PRKN: variants seen among roughly 807,000 people sequenced by gnomAD.
PRKN encodes the protein E3 ubiquitin-protein ligase parkin.
Under a neutral mutation model 59.5 loss-of-function variants are expected in PRKN, and 56 were observed. The ratio of observed to expected loss-of-function variants is 0.94; its 90% CI spans 0.76 to 1.18. The LOEUF (loss-of-function observed/expected upper bound fraction) is 1.18, where lower values mean the gene tolerates loss of function less well. Among genes scored for constraint, PRKN ranks in the 50% most tolerant of loss-of-function variants. The pLI, the probability that PRKN is intolerant of heterozygous loss-of-function variation, is 0.00. For synonymous variants in PRKN, 250 were observed against 222.1 expected (o/e 1.13, Z -1.12); for missense variants, 657 against 596.4 (o/e 1.10, Z -1.06).
intron 1 of PRKN, among the ~76,000 whole-genome samples, chr6:162,654,654 G>A (rs1257322534): frequency 6.6e-6 from 1 of 152,126 alleles, no homozygotes; most frequent in Non-Finnish European, 1.5e-5. Flanking sequence ...AATGTTTACT[G>A]TATTAGTCCA....
intron 7 of PRKN, among the ~76,000 whole-genome samples, chr6:161,733,783 A>AATATAT (rs1554298473): frequency 1.2e-5 from 1 of 86,228 alleles, no homozygotes; most frequent in African/African-American, 8.8e-5. Context: ...AAAAAAAAAA[A>AATATAT]ATATATATAT....
intron 1 of PRKN, among the ~76,000 whole-genome samples, chr6:162,528,618 C>G (rs1362380866): frequency 1.3e-5 from 2 of 151,936 alleles, no homozygotes; most frequent in African/African-American, 4.8e-5. Flanking sequence ...TAAGACATTA[C>G]TAATTAAATG....
At chr6:162,484,057 T>C (rs1052917680) in intron 1 of PRKN, among the ~76,000 whole-genome samples, 15 of 152,192 alleles carry the variant, frequency 9.9e-5, no homozygotes, top group South Asian at 2.1e-4. Flanking sequence ...ATATATATGG[T>C]TGTCTATGCA....
At chr6:161,615,009 A>C (rs74716441) in intron 7 of PRKN, among the ~76,000 whole-genome samples, 2,024 of 151,456 alleles carry the variant, frequency 0.013, 25 homozygotes, top group Non-Finnish European at 0.021. Flanking sequence ...GAACACTGAA[A>C]CTGTATATTT....
At chr6:161,901,875 G>A (rs1777928388) in intron 6 of PRKN, among the ~76,000 whole-genome samples, 4 of 152,174 alleles carry the variant, frequency 2.6e-5, no homozygotes, top group Admixed American at 2.6e-4. Context: ...TGCTGCTGCA[G>A]CTGCGAGTGC....
chr6:161,948,593 G>A (rs1156927133), intron 6 of PRKN, among the ~76,000 whole-genome samples: 1 of 152,202 alleles, frequency 6.6e-6, no homozygotes, highest in African/African-American at 2.4e-5. Flanking sequence ...ACAAGGAACT[G>A]TTCTCTGTGG....
In PRKN at chr6:162,245,443, C is replaced by T. The variant is rs536139080; in HGVS notation, c.412+17082G>A. Among the ~76,000 whole-genome samples the T allele has an allele frequency of 1.3e-3, 193 of 152,030 alleles. 1 individual carries two copies. Among genetic ancestry groups the T allele is most frequent in the African/African-American group, 4.3e-3 (177 of 41,514 alleles). ...AATTTATACAGCTTGCTGCTTCTCACATTAAGTAATAGGTTGAAGAAAATT... is the reference window on the plus strand; with the variant it reads ...AATTTATACAGCTTGCTGCTTCTCATATTAAGTAATAGGTTGAAGAAAATT... On this transcript the variant is annotated intron_variant, in intron 3 of 11. Coordinates refer to ENST00000366898, the MANE Select transcript of PRKN (RefSeq NM_004562.3).
At chr6:162,481,064 C>G (rs1411122002) in intron 1 of PRKN, among the ~76,000 whole-genome samples, 1 of 152,148 alleles carries the variant, frequency 6.6e-6, no homozygotes, top group Non-Finnish European at 1.5e-5. Flanking sequence ...CTCAAGTGAT[C>G]TGCCTACCTC....
At chr6:161,403,856 CT>C (rs886500061) in intron 9 of PRKN, among the ~76,000 whole-genome samples, 1 of 152,118 alleles carries the variant, frequency 6.6e-6, no homozygotes, top group Non-Finnish European at 1.5e-5. Flanking sequence ...TGTTAAAAAC[CT>C]TTCTCTCTCT....
At chr6:161,350,863 T>A (rs1326944013) in intron 11 of PRKN, among the ~76,000 whole-genome samples, 29 of 93,544 alleles carry the variant, frequency 3.1e-4, no homozygotes, top group Middle Eastern at 0.012. Context: ...ATATTTAAAA[T>A]ATATATATTT....
intron 10 of PRKN, among the ~76,000 whole-genome samples, chr6:161,365,275 G>A (rs929742224): frequency 5.3e-5 from 8 of 152,300 alleles, no homozygotes; most frequent in African/African-American, 1.9e-4. Flanking sequence ...GATTATCATT[G>A]AGGGCAGGTC....
chr6:162,123,733 A>C (rs1221600390), intron 4 of PRKN, among the ~76,000 whole-genome samples: 1 of 152,150 alleles, frequency 6.6e-6, no homozygotes, highest in Non-Finnish European at 1.5e-5. Context: ...AGGAAGTTTG[A>C]GTATGTGCAA....
chr6:162,362,921 G>A (rs1399065498), intron 2 of PRKN, among the ~76,000 whole-genome samples: 1 of 151,842 alleles, frequency 6.6e-6, no homozygotes, highest in Admixed American at 6.6e-5. Flanking sequence ...GAGGTCAGGA[G>A]ATCGAGACCA....
At chr6:162,068,418 G>A (rs1189132294) in intron 4 of PRKN, among the ~76,000 whole-genome samples, 1 of 152,180 alleles carries the variant, frequency 6.6e-6, no homozygotes, top group African/African-American at 2.4e-5. Flanking sequence ...GGGCAGGCCT[G>A]GTGTGACTTC....
chr6:162,630,924 A>G (rs1179055988), intron 1 of PRKN, among the ~76,000 whole-genome samples: 1 of 152,160 alleles, frequency 6.6e-6, no homozygotes, highest in Non-Finnish European at 1.5e-5. Context: ...AAAAAGTAAA[A>G]AATTTTATAG....
At chr6:162,522,353 A>G (rs975985529) in intron 1 of PRKN, among the ~76,000 whole-genome samples, 1 of 152,132 alleles carries the variant, frequency 6.6e-6, no homozygotes, top group African/African-American at 2.4e-5. Context: ...CGAACTTGTG[A>G]GCTTCAGTGA....
chr6:161,716,233 T>C (rs1001200458), intron 7 of PRKN: 8 of 546,700 alleles, frequency 1.5e-5, no homozygotes, highest in Middle Eastern at 3.5e-4. Flanking sequence ...TAATATTCTA[T>C]TGCCAGATGT....
rs188544676 is a variant in PRKN at position 162,580,136 on chromosome 6, G to C, written c.8-136663C>G. Among the ~76,000 whole-genome samples, 5 of 152,286 alleles carry C rather than the reference G, an allele frequency of 3.3e-5. No homozygotes were observed. The East Asian group carries it at 9.7e-4, about 29-fold the overall frequency. ...TGACAAGGAACCATGGTATCAGATGGTGCTTTGAAAGTAACATTGGCTGCA... is the reference window on the plus strand; with the variant it reads ...TGACAAGGAACCATGGTATCAGATGCTGCTTTGAAAGTAACATTGGCTGCA... On this transcript the variant is annotated intron_variant, in intron 1 of 11. Coordinates refer to ENST00000366898, the MANE Select transcript of PRKN (RefSeq NM_004562.3).
Position 161,410,223 on chromosome 6 carries a change from G to A in PRKN, c.1084-23346C>T, listed in dbSNP as rs1018563558. 1.3e-5 allele frequency among the ~76,000 whole-genome samples: 2 copies of A among 152,190 alleles called. No individual in the cohort carries two copies. The highest frequency in any genetic ancestry group is 4.8e-5 in the African/African-American group (2 of 41,442). On this transcript the variant is annotated intron_variant, in intron 9 of 11. Transcript: ENST00000366898. This position sits in a 1 kb window ranked among gnomAD's most constrained non-coding sequence, Gnocchi z 5.3. ...GGAATCTGAAGGAGAGTGAACATGAGTGAGAGTACGAGCATGTCTCAGCTG... is the reference window on the plus strand; with the variant it reads ...GGAATCTGAAGGAGAGTGAACATGAATGAGAGTACGAGCATGTCTCAGCTG...
Sources: allele counts gnomAD v4.1 joint callset (sites outside exome capture counted in the v4.1 genomes callset), GRCh38; gene constraint gnomAD v4.1.1; non-coding constraint Gnocchi (gnomAD v3.1); transcripts MANE v1.5; gene names NCBI Gene and HGNC (gene_info 2026-07-23, HGNC 2026-07-21).